AFF3: variants seen among roughly 807,000 people sequenced by gnomAD.
AFF3 encodes the protein ALF transcription elongation factor 3.
Under a neutral mutation model 129.7 loss-of-function variants are expected in AFF3, and 32 were observed. The observed-to-expected ratio is 0.25, with a 90% CI of 0.19 to 0.33. The LOEUF is 0.33. AFF3 is among the 10% of genes least tolerant of loss of function. The probability of loss-of-function intolerance (pLI) is 1.00; values close to 1 mark genes in which losing one functional copy is unlikely to be tolerated. For synonymous variants in AFF3, 644 were observed against 635.4 expected (o/e 1.01, Z -0.20); for missense variants, 1,373 against 1,592.0 (o/e 0.86, Z 2.34).
intron 7 of AFF3, among the ~76,000 whole-genome samples, chr2:99,942,005 A>T (rs1050086378): frequency 2.9e-4 from 44 of 152,220 alleles, no homozygotes. Flanking sequence ...CTGAACACAC[A>T]GATACAACAT....
At chr2:99,629,170 T>C (rs1279963549) in intron 13 of AFF3, among the ~76,000 whole-genome samples, 1 of 152,198 alleles carries the variant, frequency 6.6e-6, no homozygotes, top group African/African-American at 2.4e-5. Context: ...TTTATTTCTC[T>C]TGCCTGACTG....
chr2:100,016,808 G>C (rs1683149775), intron 4 of AFF3, among the ~76,000 whole-genome samples: 1 of 150,792 alleles, frequency 6.6e-6, no homozygotes, highest in African/African-American at 2.4e-5. Context: ...TGATGGCAGT[G>C]ATGCTGATGG....
chr2:99,739,421 A>G (rs1220262930), intron 10 of AFF3, among the ~76,000 whole-genome samples: 1 of 152,090 alleles, frequency 6.6e-6, no homozygotes, highest in Non-Finnish European at 1.5e-5. Flanking sequence ...CTACAGCTTC[A>G]TGGCTATTAG....
intron 16 of AFF3, among the ~76,000 whole-genome samples, chr2:99,583,301 C>T (rs981147348): frequency 2.6e-5 from 4 of 152,168 alleles, no homozygotes; most frequent in African/African-American, 9.7e-5. Context: ...TCTCAAAATA[C>T]CCAACAAACA....
chr2:99,584,832 C>T (rs776625312), intron 16 of AFF3, among the ~76,000 whole-genome samples: 30 of 152,266 alleles, frequency 2.0e-4, no homozygotes, highest in Non-Finnish European at 3.5e-4. Flanking sequence ...CTTAATTGCA[C>T]GTGTTGGTTA....
intron 7 of AFF3, among the ~76,000 whole-genome samples, chr2:99,989,098 CCTT>C (rs1193383728): frequency 4.6e-5 from 7 of 152,274 alleles, no homozygotes; most frequent in African/African-American, 1.7e-4. Context: ...GGAAGACTCT[CCTT>C]TAACTAACAG....
intron 8 of AFF3, among the ~76,000 whole-genome samples, chr2:99,821,796 T>C (rs1687707620): frequency 6.6e-6 from 1 of 152,192 alleles, no homozygotes; most frequent in Non-Finnish European, 1.5e-5. Context: ...AACATTGTTA[T>C]GCGGCACATG....
At chr2:100,139,986 A>T (rs1692795735) in intron 1 of AFF3, among the ~76,000 whole-genome samples, 1 of 152,236 alleles carries the variant, frequency 6.6e-6, no homozygotes, top group Non-Finnish European at 1.5e-5. Flanking sequence ...CATTTGAAAG[A>T]ACAAGTTAAA....
chr2:99,579,936 T>C (rs1245464028), intron 17 of AFF3, among the ~76,000 whole-genome samples: 1 of 152,230 alleles, frequency 6.6e-6, no homozygotes, highest in African/African-American at 2.4e-5. Flanking sequence ...CTTCTTTAAA[T>C]AGGGACTGCT....
At chr2:99,707,187 G>T (rs1165185971) in intron 11 of AFF3, 3 of 985,320 alleles carry the variant, frequency 3.0e-6, no homozygotes, top group Non-Finnish European at 3.6e-6. Context: ...AATTCCAAAG[G>T]TTATTCTTCC....
intron 7 of AFF3, among the ~76,000 whole-genome samples, chr2:99,925,601 A>T (rs1168320004): frequency 1.3e-5 from 2 of 152,202 alleles, no homozygotes; most frequent in African/African-American, 2.4e-5. Context: ...CTCAAAAGTG[A>T]AGACAGACAG....
At chr2:99,792,625 C>A (rs998784792) in intron 8 of AFF3, among the ~76,000 whole-genome samples, 4 of 152,130 alleles carry the variant, frequency 2.6e-5, no homozygotes, top group African/African-American at 9.7e-5. Flanking sequence ...TTGTGGATAC[C>A]CTTTATCAAG....
At chr2:99,854,380 T>C (rs1690372507) in intron 7 of AFF3, among the ~76,000 whole-genome samples, 1 of 152,240 alleles carries the variant, frequency 6.6e-6, no homozygotes, top group Admixed American at 6.5e-5. Context: ...CTCTGTCTGT[T>C]GCTTTTGCCT....
At chr2:100,060,005 C>A (rs1028496838) in intron 4 of AFF3, among the ~76,000 whole-genome samples, 18 of 152,186 alleles carry the variant, frequency 1.2e-4, no homozygotes, top group African/African-American at 3.9e-4. Flanking sequence ...GTGTATCCTT[C>A]TGATCCACTC....
intron 13 of AFF3, among the ~76,000 whole-genome samples, chr2:99,640,340 G>A (rs548964986): frequency 5.3e-5 from 8 of 152,102 alleles, no homozygotes; most frequent in South Asian, 2.1e-4. Flanking sequence ...TACCTCATGC[G>A]TGATTTTTCT....
At chr2:99,712,274 G>C (rs528983402) in intron 11 of AFF3, among the ~76,000 whole-genome samples, 2 of 152,320 alleles carry the variant, frequency 1.3e-5, no homozygotes, top group South Asian at 2.1e-4. Flanking sequence ...TATTCTAGTC[G>C]CCTCTTGGCA....
chr2:99,641,983 TC>T (rs1684245009), intron 13 of AFF3, among the ~76,000 whole-genome samples: 1 of 152,220 alleles, frequency 6.6e-6, no homozygotes, highest in African/African-American at 2.4e-5. Flanking sequence ...TTTTGTGTCT[TC>T]TATAGAGACC....
At chr2:100,030,376 T>C (rs1684395930) in intron 4 of AFF3, among the ~76,000 whole-genome samples, 1 of 152,108 alleles carries the variant, frequency 6.6e-6, no homozygotes, top group African/African-American at 2.4e-5. Context: ...TCCAAAAAGC[T>C]AATGTACAGC....
rs759490607 is a variant in AFF3 at position 99,594,306 on chromosome 2, G to C, written c.1372-17C>G. The C allele has an allele frequency of 1.9e-6, 3 of 1,583,122 alleles. No homozygotes were observed. The African/African-American group carries it at 4.0e-5, about 21-fold the overall frequency. On this transcript the variant is annotated splice_polypyrimidine_tract_variant and intron_variant, in intron 14 of 24. Transcript: ENST00000672756. Reference sequence around the variant, plus strand: ...CGGTTCAGCCTGAAAGCAGAAAACCGGTGACAAACAAAACATCTTTCATTA... The same window carrying C: ...CGGTTCAGCCTGAAAGCAGAAAACCCGTGACAAACAAAACATCTTTCATTA...
Sources: gnomAD v4.1 joint callset for allele counts (sites outside exome capture counted in the v4.1 genomes callset) on GRCh38, gnomAD v4.1.1 for gene constraint, MANE v1.5 for transcripts, NCBI Gene and HGNC (gene_info 2026-07-23, HGNC 2026-07-21) for gene names.